The following ANKRD18A variants were observed in gnomAD, a reference collection of about 807,000 sequenced individuals.
ANKRD18A encodes the protein ankyrin repeat domain-containing protein 18A.
ANKRD18A carries 72 observed loss-of-function variants against 110.6 expected under a neutral mutation model. The ratio of observed to expected loss-of-function variants is 0.65; its 90% CI spans 0.54 to 0.79. The LOEUF is 0.79. ANKRD18A is among the 30% of genes least tolerant of loss of function. The pLI is 0.00. For synonymous variants in ANKRD18A, 305 were observed against 410.3 expected (o/e 0.74, Z 3.10); for missense variants, 934 against 1,163.3 (o/e 0.80, Z 2.87).
chr9:38,620,019 C>T (rs1370232146), intron 1 of ANKRD18A, 61 bp downstream of exon 1: 3 of 1,535,484 alleles, frequency 2.0e-6, no homozygotes, highest in East Asian at 2.5e-5. Context: ...CAGGGGCTGC[C>T]GGGCTGCAGG....
intron 6 of ANKRD18A, among the ~76,000 whole-genome samples, chr9:38,603,646 A>AAG (rs546008431): frequency 2.0e-5 from 3 of 151,870 alleles, no homozygotes; most frequent in African/African-American, 4.8e-5. Context: ...GTTCTTGAAA[A>AAG]AGAGAGAGAG....
chr9:38,571,233 A>T, downstream of ANKRD18A: 3 of 1,485,428 alleles, frequency 2.0e-6, no homozygotes, highest in Non-Finnish European at 2.7e-6. Context: ...AGTTTAGAAC[A>T]CCTTGTGCCA....
At chr9:38,600,607 T>C (rs553271323) in intron 8 of ANKRD18A, among the ~76,000 whole-genome samples, 15 of 152,310 alleles carry the variant, frequency 9.8e-5, no homozygotes, top group African/African-American at 3.4e-4. Context: ...ATTCTCTCAA[T>C]AGGCAGTTGG....
In ANKRD18A at chr9:38,591,551, T is replaced by C. The variant is rs556178754; in HGVS notation, c.2004+2209A>G. ...AAGCACTTAGAAGAGTACATGTACA[T>C]AGTGAGCTACAGACAATATTTGCTA... On this transcript the variant is annotated intron_variant, in intron 10 of 15. Transcript: ENST00000399703. Among the ~76,000 whole-genome samples, 1,108 of 152,240 alleles carry C rather than the reference T, an allele frequency of 7.3e-3. 10 individuals carry two copies. The highest frequency in any genetic ancestry group is 0.024 in the African/African-American group (1,011 of 41,492).
chr9:38,602,735 A>G (rs1165621077), intron 7 of ANKRD18A, among the ~76,000 whole-genome samples: 4 of 152,208 alleles, frequency 2.6e-5, no homozygotes, highest in Admixed American at 2.0e-4. Context: ...TAATGTTGCT[A>G]TCACAGCTAA....
rs189446958 is a variant in ANKRD18A, at chr9:38,613,345, A to G, written c.496-2024T>C. ...CTCAATTCAAAGAGGCAAAGAACAA[A>G]TCTATACGCCACATTTAGACTATAG... On this transcript the variant is annotated intron_variant, in intron 3 of 15. Transcript: ENST00000399703. Among the ~76,000 whole-genome samples, 75 of 152,250 alleles carry G rather than the reference A, an allele frequency of 4.9e-4. No individual in the cohort carries two copies. In the East Asian group the frequency reaches 0.01, roughly 21 times the overall value.
rs116733635 is a variant in ANKRD18A, at chr9:38,575,535, T to C, written c.2905A>G (p.Ile969Val). Residue 969 changes from isoleucine to valine, a missense_variant, in exon 15 of 16, where the codon ATA (isoleucine) becomes GTA (valine). Coordinates refer to ENST00000399703, the MANE Select transcript of ANKRD18A (RefSeq NM_147195.4). ...LNRKYIPKTA[I>V]RIPTSNPQTS... ...TGTGGGTTTGAAGTAGGAATTCTTA[T>C]GGCCGTTTTGGGAATATATTTTCTG... The C allele has an allele frequency of 2.6e-3, 3,959 of 1,551,628 alleles. 81 individuals carry two copies. The African/African-American group carries it at 0.047, about 18-fold the overall frequency.
chr9:38,579,813 A>G (rs994842722), intron 12 of ANKRD18A, among the ~76,000 whole-genome samples: 11 of 152,210 alleles, frequency 7.2e-5, no homozygotes, highest in African/African-American at 2.4e-4. Context: ...GGATCCAGCA[A>G]CCCCACTACT....
intron 3 of ANKRD18A, among the ~76,000 whole-genome samples, chr9:38,615,116 T>G (rs1377275492): frequency 6.6e-6 from 1 of 152,230 alleles, no homozygotes; most frequent in Non-Finnish European, 1.5e-5. Flanking sequence ...ATTACCTAAT[T>G]TCCAAGTGAC....
chr9:38,585,590 T>C (rs1824345665), intron 12 of ANKRD18A, among the ~76,000 whole-genome samples: 2 of 152,200 alleles, frequency 1.3e-5, no homozygotes, highest in African/African-American at 4.8e-5. Context: ...GTATTTTGGC[T>C]GAATTTGGGT....
chr9:38,575,415 T>G, intron 15 of ANKRD18A, 61 bp downstream of exon 15: 1 of 1,442,534 alleles, frequency 6.9e-7, no homozygotes, highest in Non-Finnish European at 9.3e-7. Context: ...TTTCATCAAA[T>G]TATAGACAAG....
rs758097146 is a variant in ANKRD18A, at chr9:38,607,422, T to A, written c.808+4A>T. 1.1e-5 allele frequency: 16 copies of A among 1,485,894 alleles called. No homozygotes were observed. Among genetic ancestry groups the A allele is most frequent in the Admixed American group, 5.2e-5 (2 of 38,384 alleles). 92.0% of individuals were successfully genotyped at this position (1,485,894 alleles called of 1,614,324 possible). ...AATGAGAAATTTACTATCAGAAGTCTTACCTTGATTGTCATTTCGAAGATG... is the reference window on the plus strand; with the variant it reads ...AATGAGAAATTTACTATCAGAAGTCATACCTTGATTGTCATTTCGAAGATG... On this transcript the variant is annotated splice_donor_region_variant and intron_variant, in intron 6 of 15. Transcript: ENST00000399703.
chr9:38,595,704 T>C lies in ANKRD18A; in HGVS notation c.1636A>G (p.Ile546Val), dbSNP rs1386609710. 7 of 1,551,288 alleles carry C rather than the reference T, an allele frequency of 4.5e-6. No individual in the cohort carries two copies. Among genetic ancestry groups the C allele is most frequent in the Non-Finnish European group, 6.1e-6 (7 of 1,146,696 alleles). The change falls in exon 9 of 16, where the codon ATA becomes GTA. Residue 546 changes from isoleucine (I) to valine (V), a missense_variant. Physicochemically the swap from Ile to Val is conservative, Grantham distance 29 (BLOSUM62 3). Around this residue, in one of 4 missense-constraint regions of ANKRD18A, gnomAD observed 630 missense variants for 797.5 expected, o/e 0.79. Transcript: ENST00000399703. ...AGATTTTCAAGTTCTTGTTGACGTA[T>C]TCTCTCCTCTAAAGAGTTCTGCTTT... is the stretch of plus-strand genomic sequence containing the variant. ...IGKQNSLEER[I>V]RQQELENLLL...
At chr9:38,597,233 A>C (rs1431295244) in intron 8 of ANKRD18A, among the ~76,000 whole-genome samples, 1 of 152,188 alleles carries the variant, frequency 6.6e-6, no homozygotes, top group East Asian at 1.9e-4. Context: ...ACAGAAAAGA[A>C]GCTTTCCCTT....
At chr9:38,570,597 A>G (rs1823603001), downstream of ANKRD18A, among the ~76,000 whole-genome samples, 1 of 152,218 alleles carries the variant, frequency 6.6e-6, no homozygotes, top group Non-Finnish European at 1.5e-5. Context: ...TCAGGTCCCA[A>G]CTGACCAGGT....
chr9:38,571,130 A>G (rs1587475611), downstream of ANKRD18A: 2 of 1,533,114 alleles, frequency 1.3e-6, no homozygotes, highest in South Asian at 2.4e-5. Flanking sequence ...ACCTCAGTGG[A>G]TGCGACAGTG....
chr9:38,573,114 C>T, intron 15 of ANKRD18A: 14 of 1,412,536 alleles, frequency 9.9e-6, no homozygotes, highest in Non-Finnish European at 1.3e-5. Context: ...ATTTGTTCTA[C>T]ACGGTCCAGC....
downstream of ANKRD18A, chr9:38,571,353 T>G: frequency 1.2e-6 from 1 of 842,028 alleles, no homozygotes; most frequent in Non-Finnish European, 1.6e-6. Context: ...ACCAGAATCA[T>G]GAGCTTTCCC....
chr9:38,578,425 C>T (rs1405987199), intron 12 of ANKRD18A, among the ~76,000 whole-genome samples: 1 of 152,122 alleles, frequency 6.6e-6, no homozygotes, highest in Non-Finnish European at 1.5e-5. Context: ...TTTTGTTCCT[C>T]CTTAAATGGC....
Sources: allele counts gnomAD v4.1 joint callset (sites outside exome capture counted in the v4.1 genomes callset), GRCh38; gene constraint gnomAD v4.1.1; regional missense constraint gnomAD v4.1.1; transcripts MANE v1.5; gene names NCBI Gene and HGNC (gene_info 2026-07-23, HGNC 2026-07-21).